Variants in RANBP9 observed in about 807,000 individuals in gnomAD.
The protein encoded by RANBP9 is RAN binding protein 9.
In RANBP9, 15 loss-of-function variants were observed where a neutral mutation model predicts 84.3. That is an observed-to-expected ratio of 0.18 (90% CI 0.12 to 0.27). The LOEUF is 0.27. RANBP9 is among the 10% of genes least tolerant of loss of function. The pLI is 1.00. For synonymous variants in RANBP9, 392 were observed against 349.6 expected (o/e 1.12, Z -1.35); for missense variants, 809 against 912.8 (o/e 0.89, Z 1.46).
chr6:13,706,216 C>A (rs1043864682), intron 1 of RANBP9, among the ~76,000 whole-genome samples: 1 of 152,084 alleles, frequency 6.6e-6, no homozygotes, highest in Non-Finnish European at 1.5e-5. Flanking sequence ...TCGCGGCGGG[C>A]ACCTGTAGTC....
chr6:13,698,305 T>G (rs560524414), intron 1 of RANBP9, among the ~76,000 whole-genome samples: 1 of 152,272 alleles, frequency 6.6e-6, no homozygotes, highest in South Asian at 2.1e-4. Flanking sequence ...TTTACATGCA[T>G]CAAAACTACT....
chr6:13,651,452 TG>T, intron 5 of RANBP9, among the ~76,000 whole-genome samples: 1 of 152,144 alleles, frequency 6.6e-6, no homozygotes, highest in South Asian at 2.1e-4. Flanking sequence ...TGGAGTGCAG[TG>T]GCACAATCTT....
chr6:13,675,850 A>G (rs1288279022), intron 2 of RANBP9, among the ~76,000 whole-genome samples: 1 of 150,314 alleles, frequency 6.7e-6, no homozygotes, highest in Admixed American at 6.7e-5. Flanking sequence ...AAACATTTAT[A>G]ACTAACTTTA....
chr6:13,678,762 A>G (rs1224100014), intron 2 of RANBP9, among the ~76,000 whole-genome samples: 1 of 152,138 alleles, frequency 6.6e-6, no homozygotes, highest in Non-Finnish European at 1.5e-5. Flanking sequence ...TGTAGCATGC[A>G]GTGACCCTCC....
Position 13,711,667 on chromosome 6 carries a change from A to C in RANBP9, c.-162T>G. On this transcript the variant is annotated 5_prime_UTR_variant, in exon 1 of 14. Coordinates refer to ENST00000011619, the MANE Select transcript of RANBP9 (RefSeq NM_005493.3). Reference sequence around the variant, plus strand: ...CCCAGGGAGACCGCGGCGGTTGAGGAGCTCGGAGACGCGGGAGTAGGCGGC... The same window carrying C: ...CCCAGGGAGACCGCGGCGGTTGAGGCGCTCGGAGACGCGGGAGTAGGCGGC... 1 of 519,114 alleles carries C rather than the reference A, an allele frequency of 1.9e-6. No individual in the cohort carries two copies. Among genetic ancestry groups the C allele is most frequent in the Non-Finnish European group, 2.8e-6 (1 of 359,894 alleles). The allele number at this position is 519,114 out of a possible 1,614,324, so 32.2% of individuals were successfully genotyped here.
chr6:13,703,318 T>A (rs79290897), intron 1 of RANBP9, among the ~76,000 whole-genome samples: 1 of 152,100 alleles, frequency 6.6e-6, no homozygotes, highest in Non-Finnish European at 1.5e-5. Flanking sequence ...ATTCTCCCTC[T>A]CTCTTTCAAA....
chr6:13,688,029 C>T lies in RANBP9; in HGVS notation c.683+8756G>A, dbSNP rs375648879. On this transcript the variant is annotated intron_variant, in intron 2 of 13. Coordinates refer to ENST00000011619, the MANE Select transcript of RANBP9 (RefSeq NM_005493.3). ...AGACACGAGTTTGCTGTGCACCAGG[C>T]ATCTTTTTTCAGAGCAGCATCAAGC... 5.3e-5 allele frequency among the ~76,000 whole-genome samples: 8 copies of T among 152,290 alleles called. No individual in the cohort carries two copies. The East Asian group carries it at 9.7e-4, about 18-fold the overall frequency.
intron 6 of RANBP9, among the ~76,000 whole-genome samples, chr6:13,644,185 C>A (rs1765128487): frequency 6.6e-6 from 1 of 152,156 alleles, no homozygotes; most frequent in African/African-American, 2.4e-5. Flanking sequence ...TATCTCTCAA[C>A]TTTATCTTTT....
intron 2 of RANBP9, among the ~76,000 whole-genome samples, chr6:13,675,046 G>A (rs186596185): frequency 1.3e-5 from 2 of 152,278 alleles, no homozygotes; most frequent in Admixed American, 1.3e-4. Flanking sequence ...ACGAGAAGCA[G>A]CAGTTAACTC....
intron 11 of RANBP9, 66 bp downstream of exon 11, chr6:13,634,365 A>G (rs905275434): frequency 3.9e-6 from 6 of 1,549,724 alleles, no homozygotes; most frequent in Non-Finnish European, 5.3e-6. Context: ...GTGAATCAGT[A>G]CAAGTAAAAA....
At chr6:13,657,487 C>G (rs551058637) in intron 3 of RANBP9, among the ~76,000 whole-genome samples, 1 of 152,232 alleles carries the variant, frequency 6.6e-6, no homozygotes, top group South Asian at 2.1e-4. Flanking sequence ...ACACAGAACA[C>G]TAAAACAAAT....
intron 7 of RANBP9, among the ~76,000 whole-genome samples, chr6:13,641,975 A>T (rs1765075494): frequency 6.6e-6 from 1 of 152,174 alleles, no homozygotes; most frequent in Non-Finnish European, 1.5e-5. Context: ...CAATTTTAGG[A>T]TGGCTAACTA....
intron 2 of RANBP9, among the ~76,000 whole-genome samples, chr6:13,686,285 A>T (rs569271417): frequency 9.9e-5 from 15 of 150,966 alleles, no homozygotes; most frequent in East Asian, 7.9e-4. Flanking sequence ...TATTATTTTT[A>T]TTTATTTATT....
At chr6:13,691,668 ATGTT>A (rs1766324748) in intron 2 of RANBP9, among the ~76,000 whole-genome samples, 2 of 151,256 alleles carry the variant, frequency 1.3e-5, no homozygotes, top group African/African-American at 4.9e-5. Flanking sequence ...GTTTGTTTGT[ATGTT>A]TGTTTGTTTT....
chr6:13,623,091 ATGCC>A (rs1764500110), intron 13 of RANBP9, among the ~76,000 whole-genome samples: 1 of 152,212 alleles, frequency 6.6e-6, no homozygotes, highest in Non-Finnish European at 1.5e-5. Context: ...ATTTAAAAAA[ATGCC>A]AATAAATTTT....
rs1765137500 is a variant in RANBP9, at chr6:13,644,552, T to A, written c.1105A>T (p.Ile369Leu). 1.2e-6 allele frequency: 2 copies of A among 1,610,942 alleles called. No individual in the cohort carries two copies. The highest frequency in any genetic ancestry group is 3.4e-5 in the Admixed American group (2 of 59,158). Residue 369 changes from isoleucine to leucine, a missense_variant, in exon 6 of 14, where the codon ATA (isoleucine) becomes TTA (leucine). By Grantham distance (5) the Ile-to-Leu change is conservative. Coordinates refer to ENST00000011619, the MANE Select transcript of RANBP9 (RefSeq NM_005493.3). ...AAATTTCTTCACTCTTACTTTTGTA[T>A]CATGGTCTGCCATTCTCCTTCTCGA... Reference protein sequence around the residue: ...GDREGEWQTMIQKMVSSYLVH... With the variant: ...GDREGEWQTMLQKMVSSYLVH...
chr6:13,693,123 A>G (rs894485773), intron 2 of RANBP9, among the ~76,000 whole-genome samples: 1 of 152,208 alleles, frequency 6.6e-6, no homozygotes, highest in African/African-American at 2.4e-5. Flanking sequence ...AGAAAATGCC[A>G]TAAGAAAGGT....
chr6:13,625,591 A>T (rs1382929281), intron 13 of RANBP9, 62 bp downstream of exon 13: 2 of 1,206,250 alleles, frequency 1.7e-6, no homozygotes, highest in Non-Finnish European at 2.4e-6. Context: ...GCCAGTACAA[A>T]CACCCTCTCT....
In RANBP9 at chr6:13,711,296, G is replaced by A. The variant is rs889069614; in HGVS notation, c.210C>T (p.His70=). ...LGAAAAALLL[H]PPPPPPPATA... Reference sequence around the variant, plus strand: ...TGGCCGGGGGCGGCGGCGGCGGAGGGTGGAGGAGCAGGGCGGCCGCCGCGG... The same window carrying A: ...TGGCCGGGGGCGGCGGCGGCGGAGGATGGAGGAGCAGGGCGGCCGCCGCGG... Residue 70 remains histidine, a synonymous_variant, in exon 1 of 14, where the codon CAC becomes CAT. Coordinates refer to ENST00000011619, the MANE Select transcript of RANBP9 (RefSeq NM_005493.3). The A allele has an allele frequency of 1.1e-4, 110 of 1,025,148 alleles. No individual in the cohort carries two copies. The South Asian group carries it at 2.1e-3, about 19-fold the overall frequency. 63.5% of individuals were successfully genotyped at this position (1,025,148 alleles called of 1,614,324 possible). A position where few individuals can be genotyped will look rare whatever the true frequency, so the allele number is the denominator to read the frequency against.
Sources: gnomAD v4.1 joint callset for allele counts (sites outside exome capture counted in the v4.1 genomes callset) on GRCh38, gnomAD v4.1.1 for gene constraint, MANE v1.5 for transcripts, NCBI Gene and HGNC (gene_info 2026-07-23, HGNC 2026-07-21) for gene names.